AGMO: variants seen among roughly 807,000 people sequenced by gnomAD.
The protein encoded by AGMO is glyceryl-ether monooxygenase.
Under a neutral mutation model 60.2 loss-of-function variants are expected in AGMO, and 75 were observed. The ratio of observed to expected loss-of-function variants is 1.25; its 90% CI spans 1.03 to 1.51. The LOEUF is 1.51. Among genes scored for constraint, AGMO ranks in the 40% most tolerant of loss-of-function variants. The pLI, the probability that AGMO is intolerant of heterozygous loss-of-function variation, is 0.00. For synonymous variants in AGMO, 261 were observed against 177.1 expected (o/e 1.47, Z -3.76); for missense variants, 763 against 525.5 (o/e 1.45, Z -4.42).
intron 12 of AGMO, among the ~76,000 whole-genome samples, chr7:15,343,513 T>C (rs1222776645): frequency 3.3e-5 from 5 of 152,188 alleles, no homozygotes; most frequent in Admixed American, 3.3e-4. Flanking sequence ...GTTTACTTTT[T>C]GGCATCTATA....
chr7:15,424,318 T>C (rs575751041), intron 4 of AGMO, among the ~76,000 whole-genome samples: 48 of 152,226 alleles, frequency 3.2e-4, no homozygotes, highest in African/African-American at 1.0e-3. Flanking sequence ...TAGTCAAAAG[T>C]ATATGTGGAA....
intron 12 of AGMO, among the ~76,000 whole-genome samples, chr7:15,349,516 C>G (rs1018825072): frequency 1.2e-4 from 19 of 152,066 alleles, no homozygotes; most frequent in Admixed American, 1.1e-3. Context: ...TTCTCAAACA[C>G]CATATACCAA....
intron 2 of AGMO, among the ~76,000 whole-genome samples, chr7:15,557,414 C>T (rs973003576): frequency 2.0e-5 from 3 of 152,044 alleles, no homozygotes; most frequent in African/African-American, 4.8e-5. Context: ...CGATCATTGC[C>T]GTGTTAATCT....
intron 3 of AGMO, among the ~76,000 whole-genome samples, chr7:15,535,550 C>A (rs1784465680): frequency 6.6e-6 from 1 of 151,892 alleles, no homozygotes; most frequent in Non-Finnish European, 1.5e-5. Context: ...CCACAGCATG[C>A]CTCACTACCT....
At position 15,506,811 on chromosome 7, in the gene AGMO, C is replaced by G. The variant is rs569137816; in HGVS notation, c.409+37961G>C. Among the ~76,000 whole-genome samples, 128 of 151,402 alleles carry G rather than the reference C, an allele frequency of 8.5e-4. 2 individuals carry two copies. In the South Asian group the frequency reaches 0.013, roughly 15 times the overall value. On this transcript the variant is annotated intron_variant, in intron 3 of 12. Coordinates refer to ENST00000342526, the MANE Select transcript of AGMO (RefSeq NM_001004320.2). ...TGAGGTAAATACACACACAGACACA[C>G]AGAGAGAGAGAGACAGAGAGTCCCT...
intron 12 of AGMO, among the ~76,000 whole-genome samples, chr7:15,341,600 C>G (rs1364039481): frequency 6.6e-6 from 1 of 152,186 alleles, no homozygotes; most frequent in African/African-American, 2.4e-5. Context: ...TTACACAGTT[C>G]CAAAGGTCCT....
chr7:15,476,185 T>C (rs998340122), intron 3 of AGMO, among the ~76,000 whole-genome samples: 1 of 152,098 alleles, frequency 6.6e-6, no homozygotes, highest in Non-Finnish European at 1.5e-5. Flanking sequence ...GAACTTATTA[T>C]CAAGAATCCT....
rs1554408739 is a variant in AGMO at position 15,299,830 on chromosome 7, T to TACACACATAC, written c.1263+65683_1263+65684insGTATGTGTGT. Among the ~76,000 whole-genome samples the TACACACATAC allele has an allele frequency of 1.5e-4, 7 of 48,190 alleles. 1 individual carries two copies. The highest frequency in any genetic ancestry group is 6.6e-4 in the South Asian group (1 of 1,506). The allele number at this position is 48,190 out of a possible 152,430, so 31.6% of individuals were successfully genotyped here. ...GAGACAGAGCAAGACTCTGTCTACA[T>TACACACATAC]ACACACACACACACACACACACACA... On this transcript the variant is annotated intron_variant, in intron 12 of 12. Transcript: ENST00000342526.
rs571360895 is a variant in AGMO at position 15,553,149 on chromosome 7, T to C, written c.257+6992A>G. Among the ~76,000 whole-genome samples the C allele has an allele frequency of 7.6e-3, 1,121 of 148,234 alleles. 12 individuals carry two copies. The highest frequency in any genetic ancestry group is 0.027 in the African/African-American group (1,072 of 40,136). ...GATCACATGGACACAGGAAGGGGAA[T>C]ATCACACTCTGGGGACTGTTGTGGG... On this transcript the variant is annotated intron_variant, in intron 2 of 12. Coordinates refer to ENST00000342526, the MANE Select transcript of AGMO (RefSeq NM_001004320.2).
the AGMO span, among the ~76,000 whole-genome samples, chr7:15,121,423 T>A: frequency 6.6e-6 from 1 of 152,182 alleles, no homozygotes; most frequent in Admixed American, 6.5e-5. Flanking sequence ...GTTGAACTAA[T>A]TTACACTCCC....
intron 8 of AGMO, among the ~76,000 whole-genome samples, chr7:15,388,755 C>T (rs185731186): frequency 6.6e-6 from 1 of 152,230 alleles, no homozygotes; most frequent in African/African-American, 2.4e-5. Flanking sequence ...AGAAATTTAC[C>T]TGTATATAAA....
chr7:15,322,210 G>A (rs1360022545), intron 12 of AGMO, among the ~76,000 whole-genome samples: 1 of 149,360 alleles, frequency 6.7e-6, no homozygotes, highest in African/African-American at 2.5e-5. Context: ...TTACATCCTT[G>A]TTAAAGATAA....
At chr7:15,364,696 A>G (rs939138685) in intron 12 of AGMO, among the ~76,000 whole-genome samples, 2 of 152,066 alleles carry the variant, frequency 1.3e-5, no homozygotes, top group East Asian at 3.9e-4. Flanking sequence ...GATATCTCCA[A>G]ATTACCTCCA....
intron 3 of AGMO, among the ~76,000 whole-genome samples, chr7:15,537,841 T>C (rs1784520709): frequency 6.6e-6 from 1 of 152,126 alleles, no homozygotes; most frequent in African/African-American, 2.4e-5. Context: ...GATAAGAATA[T>C]GCTATTTCTC....
At chr7:15,283,840 T>C (rs1312421913) in intron 12 of AGMO, among the ~76,000 whole-genome samples, 1 of 151,434 alleles carries the variant, frequency 6.6e-6, no homozygotes, top group East Asian at 1.9e-4. Context: ...ACAAAACAAG[T>C]CTTAATGAAG....
At chr7:15,219,365 G>A (rs1781846105) in intron 12 of AGMO, among the ~76,000 whole-genome samples, 1 of 152,044 alleles carries the variant, frequency 6.6e-6, no homozygotes, top group African/African-American at 2.4e-5. Context: ...ATGAATGGAT[G>A]ATTGCATGAT....
intron 12 of AGMO, among the ~76,000 whole-genome samples, chr7:15,220,286 C>T (rs1202467436): frequency 7.5e-6 from 1 of 134,144 alleles, no homozygotes; most frequent in East Asian, 2.3e-4. Context: ...TGGCTTGGAT[C>T]TGGGCTCACT....
At chr7:15,340,978 G>A (rs1781828079) in intron 12 of AGMO, among the ~76,000 whole-genome samples, 1 of 152,070 alleles carries the variant, frequency 6.6e-6, no homozygotes, top group Non-Finnish European at 1.5e-5. Context: ...AGCTAGGAGG[G>A]GTGCTGTACC....
intron 3 of AGMO, among the ~76,000 whole-genome samples, chr7:15,514,674 G>A (rs75398971): frequency 0.011 from 1,654 of 152,218 alleles, 32 homozygotes; most frequent in African/African-American, 0.037. Flanking sequence ...TAAAAGAATC[G>A]TCATATGCAT....
Sources: gnomAD v4.1 joint callset for allele counts (sites outside exome capture counted in the v4.1 genomes callset) on GRCh38, gnomAD v4.1.1 for gene constraint, MANE v1.5 for transcripts, NCBI Gene and HGNC (gene_info 2026-07-23, HGNC 2026-07-21) for gene names.